The following SYNDIG1 variants were observed in gnomAD, a reference collection of about 807,000 sequenced individuals.
SYNDIG1 encodes synapse differentiation inducing 1, also known as synapse differentiation-inducing gene protein 1.
Under a neutral mutation model 19.4 loss-of-function variants are expected in SYNDIG1, and 9 were observed. The observed-to-expected ratio is 0.46, with a 90% CI of 0.28 to 0.81. The LOEUF is 0.81. SYNDIG1 is among the 30% of genes least tolerant of loss of function. The pLI is 0.12. For synonymous variants in SYNDIG1, 141 were observed against 145.9 expected (o/e 0.97, Z 0.24); for missense variants, 311 against 343.3 (o/e 0.91, Z 0.74).
intron 3 of SYNDIG1, among the ~76,000 whole-genome samples, chr20:24,653,871 A>G (rs908143408): frequency 1.6e-4 from 24 of 152,136 alleles, no homozygotes; most frequent in African/African-American, 5.3e-4. Flanking sequence ...TGTCCCTGTC[A>G]TCTCTTCCTG....
At chr20:24,555,542 C>T (rs1050818551) in intron 2 of SYNDIG1, among the ~76,000 whole-genome samples, 6 of 152,136 alleles carry the variant, frequency 3.9e-5, no homozygotes, top group Non-Finnish European at 8.8e-5. Flanking sequence ...ATCTTTATTT[C>T]TGCCTTCATT....
chr20:24,584,194 C>A (rs2058374613), intron 2 of SYNDIG1, among the ~76,000 whole-genome samples: 1 of 152,166 alleles, frequency 6.6e-6, no homozygotes, highest in African/African-American at 2.4e-5. Context: ...GCTCACAGGG[C>A]CATCCTCTGC....
chr20:24,627,050 TGAGAGGGAGACCGTGGAAAGAGAGG>T (rs1228631389), intron 3 of SYNDIG1, among the ~76,000 whole-genome samples: 1 of 146,060 alleles, frequency 6.8e-6, no homozygotes, highest in Middle Eastern at 3.4e-3. Context: ...CGGCTCGGCA[TGAGAGGGAGACCGTGGAAAGAGAGG>T]GAGAGGGAGA....
At chr20:24,523,999 C>T (rs1600517028) in intron 1 of SYNDIG1, among the ~76,000 whole-genome samples, 1 of 152,212 alleles carries the variant, frequency 6.6e-6, no homozygotes, top group East Asian at 1.9e-4. Flanking sequence ...CCATTTGTTT[C>T]TGGAGTAAAT....
At chr20:24,491,902 A>C (rs188856551) in intron 1 of SYNDIG1, among the ~76,000 whole-genome samples, 28 of 152,358 alleles carry the variant, frequency 1.8e-4, no homozygotes, top group Admixed American at 1.6e-3. Context: ...CTTCAATGCA[A>C]GTACTCTTTG....
intron 3 of SYNDIG1, among the ~76,000 whole-genome samples, chr20:24,599,903 A>G (rs2058653977): frequency 6.6e-6 from 1 of 152,228 alleles, no homozygotes; most frequent in Admixed American, 6.5e-5. Context: ...GAGGGAATAC[A>G]TTCAACGGTT....
At chr20:24,568,157 A>G (rs1169121025) in intron 2 of SYNDIG1, among the ~76,000 whole-genome samples, 2 of 152,190 alleles carry the variant, frequency 1.3e-5, no homozygotes, top group East Asian at 3.8e-4. Flanking sequence ...AACACAAAAA[A>G]GAAAGAAAAA....
At chr20:24,532,332 A>G (rs2057277017) in intron 1 of SYNDIG1, among the ~76,000 whole-genome samples, 1 of 152,188 alleles carries the variant, frequency 6.6e-6, no homozygotes, top group African/African-American at 2.4e-5. Flanking sequence ...GACCTCAAAC[A>G]CATCATGCCA....
intron 3 of SYNDIG1, among the ~76,000 whole-genome samples, chr20:24,622,444 C>T (rs929217171): frequency 2.6e-5 from 4 of 152,186 alleles, no homozygotes; most frequent in Admixed American, 2.0e-4. Flanking sequence ...TGGTCCATGG[C>T]CTGTTAGAAA....
intron 3 of SYNDIG1, chr20:24,597,249 G>A (rs1224026386): frequency 6.6e-6 from 1 of 152,224 alleles, no homozygotes; most frequent in Non-Finnish European, 1.5e-5. Flanking sequence ...CAGTTTGGGA[G>A]GGAAGAAATA....
intron 2 of SYNDIG1, among the ~76,000 whole-genome samples, chr20:24,553,949 T>C (rs1159904631): frequency 2.6e-5 from 4 of 152,240 alleles, no homozygotes; most frequent in Admixed American, 1.3e-4. Context: ...GAGCATGGAA[T>C]GTTCTTCCAT....
At chr20:24,601,987 GT>G (rs11333825) in intron 3 of SYNDIG1, among the ~76,000 whole-genome samples, 39,110 of 145,790 alleles carry the variant, frequency 0.27, 5,316 homozygotes, top group Admixed American at 0.38. Flanking sequence ...TTATAATATT[GT>G]TTTTTTTTTT....
chr20:24,504,750 A>G (rs1295575432), intron 1 of SYNDIG1, among the ~76,000 whole-genome samples: 1 of 152,198 alleles, frequency 6.6e-6, no homozygotes, highest in Admixed American at 6.5e-5. Flanking sequence ...ACGGAGACTA[A>G]ACGGGGGTTG....
chr20:24,597,693 T>C (rs1248073040), intron 3 of SYNDIG1, among the ~76,000 whole-genome samples: 1 of 152,012 alleles, frequency 6.6e-6, no homozygotes, highest in African/African-American at 2.4e-5. Context: ...TATTTAGAAG[T>C]GTGATTCCAG....
In SYNDIG1 at chr20:24,543,354, G is replaced by T. The variant is rs143609255; in HGVS notation, c.257G>T (p.Arg86Leu). 6.2e-7 allele frequency: 1 copy of T among 1,613,410 alleles called. No homozygotes were observed. Among genetic ancestry groups the T allele is most frequent in the Non-Finnish European group, 8.5e-7 (1 of 1,180,024 alleles). ...ACCCTGCAGCAGTCAGTGGAGTCCC[G>T]CTACCGGCCCAACATCATCCTCTAT... ...PNTLQQSVES[R>L]YRPNIILYSE... is the part of the protein sequence containing the mutation. The change falls in exon 2 of 4, where the codon CGC (arginine) becomes CTC (leucine). Residue 86 changes from arginine (R) to leucine (L), a missense_variant. Coordinates refer to ENST00000376862, the MANE Select transcript of SYNDIG1 (RefSeq NM_024893.3).
At position 24,589,624 on chromosome 20, in the gene SYNDIG1, G is replaced by T. The variant is rs1224804196; in HGVS notation, c.618+4631G>T. On this transcript the variant is annotated intron_variant, in intron 3 of 3. Coordinates refer to ENST00000376862, the MANE Select transcript of SYNDIG1 (RefSeq NM_024893.3). ...ATTGGGCCTGGACCTGCGCCGGGCA[G>T]GCCCGAGGGTTCCTGTGTTGACTGT... 3.3e-5 allele frequency among the ~76,000 whole-genome samples: 5 copies of T among 152,384 alleles called. No individual in the cohort carries two copies. In the South Asian group the frequency reaches 8.3e-4, roughly 25 times the overall value.
intron 1 of SYNDIG1, among the ~76,000 whole-genome samples, chr20:24,532,794 G>A (rs75484900): frequency 0.032 from 4,930 of 152,274 alleles, 163 homozygotes; most frequent in Admixed American, 0.075. Context: ...CATGAGGACT[G>A]TAAGACTTGG....
rs534551312 is a variant in SYNDIG1, at chr20:24,537,494, C to G, written c.-78-5526C>G. Among the ~76,000 whole-genome samples the G allele has an allele frequency of 2.0e-5, 3 of 152,294 alleles. No individual in the cohort carries two copies. In the South Asian group the frequency reaches 6.2e-4, roughly 32 times the overall value. On this transcript the variant is annotated intron_variant, in intron 1 of 3. Transcript: ENST00000376862. ...TGGTATACACTCCTCCCTCAGTGGT[C>G]AGTCCACAGCCAGTCTTGTTTTCCC...
intron 1 of SYNDIG1, among the ~76,000 whole-genome samples, chr20:24,513,215 C>T (rs576604213): frequency 1.3e-5 from 2 of 152,286 alleles, no homozygotes; most frequent in East Asian, 3.9e-4. Context: ...AAAAATCGAG[C>T]ACCTCTCCCC....
Sources: allele counts gnomAD v4.1 joint callset (sites outside exome capture counted in the v4.1 genomes callset), GRCh38; gene constraint gnomAD v4.1.1; transcripts MANE v1.5; gene names NCBI Gene and HGNC (gene_info 2026-07-23, HGNC 2026-07-21).